LAMC3: variants seen among roughly 807,000 people sequenced by gnomAD.
The protein encoded by LAMC3 is laminin subunit gamma 3, also known as laminin subunit gamma-3.
A neutral mutation model predicts 173.8 loss-of-function variants in LAMC3; 128 were observed. The observed-to-expected ratio is 0.74, with a 90% CI of 0.64 to 0.85. The LOEUF (loss-of-function observed/expected upper bound fraction) is 0.85, where lower values mean the gene tolerates loss of function less well. Among genes scored for constraint, LAMC3 ranks in the 40% least tolerant of loss-of-function variants. The probability of loss-of-function intolerance (pLI) is 0.00; values close to 1 mark genes in which losing one functional copy is unlikely to be tolerated. For synonymous variants in LAMC3, 897 were observed against 909.1 expected (o/e 0.99, Z 0.24); for missense variants, 2,022 against 2,156.0 (o/e 0.94, Z 1.23).
At chr9:131,078,401 C>T (rs910972757) in intron 22 of LAMC3, among the ~76,000 whole-genome samples, 2 of 152,124 alleles carry the variant, frequency 1.3e-5, no homozygotes, top group East Asian at 1.9e-4. Context: ...CTGAGAATGG[C>T]ATGAACCTGG....
chr9:131,079,674 C>T (rs1830201881), intron 23 of LAMC3, among the ~76,000 whole-genome samples: 1 of 152,038 alleles, frequency 6.6e-6, no homozygotes, highest in Non-Finnish European at 1.5e-5. Context: ...AGTCTGGCAA[C>T]AGAGTGAGAC....
intron 24 of LAMC3, among the ~76,000 whole-genome samples, chr9:131,083,632 A>G (rs1276547363): frequency 6.6e-6 from 1 of 152,154 alleles, no homozygotes; most frequent in African/African-American, 2.4e-5. Flanking sequence ...AAGGCCTGTA[A>G]TAAAGAAACC....
In LAMC3 at chr9:131,009,466, C is replaced by T; in HGVS notation, c.252C>T (p.Arg84=). 1 of 1,548,852 alleles carries T rather than the reference C, an allele frequency of 6.5e-7. No individual in the cohort carries two copies. The highest frequency in any genetic ancestry group is 1.2e-5 in the South Asian group (1 of 84,032). The change falls in exon 1 of 28, where the codon CGC becomes CGT. Residue 84 remains arginine, a synonymous_variant. Coordinates refer to ENST00000361069, the MANE Select transcript of LAMC3 (RefSeq NM_006059.4). The surrounding 1 kb of genome is among the most constrained non-coding windows in gnomAD (Gnocchi z 4.3). The part of the protein sequence containing the change: ...CQRCDAADPQ[R]HHNASYLTDF... The stretch of plus-strand genomic sequence containing the variant: ...GCTGCGACGCCGCCGACCCCCAGCG[C>T]CACCACAACGCCTCCTACCTCACCG...
At chr9:131,066,492 CAATAATAAT>C (rs112841264) in intron 13 of LAMC3, among the ~76,000 whole-genome samples, 12 of 149,704 alleles carry the variant, frequency 8.0e-5, no homozygotes, top group African/African-American at 3.0e-4. Flanking sequence ...GACTCCATCT[CAATAATAAT>C]AATAATAATA....
rs1290278984 is a variant in LAMC3 at position 131,009,325 on chromosome 9, G to C, written c.111G>C (p.Pro37=). Residue 37 remains proline, a synonymous_variant, in exon 1 of 28, where the codon CCG becomes CCC. Transcript: ENST00000361069. This position sits in a 1 kb window ranked among gnomAD's most constrained non-coding sequence, Gnocchi z 4.3. ...DGAGRPQRCL[P]VFENAAFGRL... is the part of the protein sequence containing the mutation. ...CAGGGCGCCCGCAGCGCTGCCTGCCGGTGTTCGAGAACGCGGCGTTTGGGC... is the reference window on the plus strand; with the variant it reads ...CAGGGCGCCCGCAGCGCTGCCTGCCCGTGTTCGAGAACGCGGCGTTTGGGC... 1 of 1,479,848 alleles carries C rather than the reference G, an allele frequency of 6.8e-7. No homozygotes were observed. Among genetic ancestry groups the C allele is most frequent in the South Asian group, 1.3e-5 (1 of 77,962 alleles). 91.7% of individuals were successfully genotyped at this position (1,479,848 alleles called of 1,614,324 possible).
intron 8 of LAMC3, among the ~76,000 whole-genome samples, chr9:131,048,646 A>G (rs1364302803): frequency 6.6e-6 from 1 of 152,106 alleles, no homozygotes; most frequent in African/African-American, 2.4e-5. Flanking sequence ...CTTCCTAACC[A>G]GGTGGCCTCC....
At position 131,039,012 on chromosome 9, in the gene LAMC3, C is replaced by T. The variant is rs555008453; in HGVS notation, c.1125C>T (p.Asp375=). ...ERCQENFYHW[D]PRMPCQPCDC... ...GTCAGGAGAATTTCTATCACTGGGA[C>T]CCGCGGATGCCATGCCAGCCCTGTG... Residue 375 remains aspartate (D), a synonymous_variant, in exon 5 of 28, where the codon GAC becomes GAT. Transcript: ENST00000361069. 6.2e-7 allele frequency: 1 copy of T among 1,613,572 alleles called. No homozygotes were observed. Among genetic ancestry groups the T allele is most frequent in the Admixed American group, 1.7e-5 (1 of 60,022 alleles).
chr9:131,084,670 G>A (rs67777881), intron 24 of LAMC3, among the ~76,000 whole-genome samples: 72,856 of 151,842 alleles, frequency 0.48, 18,533 homozygotes, highest in African/African-American at 0.66. Context: ...GCCAAGGTGG[G>A]TGGATCACTT....
At position 131,085,675 on chromosome 9, in the gene LAMC3, C is replaced by T; in HGVS notation, c.4182C>T (p.Ala1394=). ...LGNAAPLSSS[A]KKKGREAEVL... The stretch of plus-strand genomic sequence containing the variant: ...ACGCGGCCCCTCTTTCCTCCAGTGC[C>T]AAGAAGAAGGGCAGAGAAGCAGAGG... The change falls in exon 25 of 28, where the codon GCC becomes GCT. Residue 1394 remains alanine (A), a synonymous_variant. Coordinates refer to ENST00000361069, the MANE Select transcript of LAMC3 (RefSeq NM_006059.4). 6.2e-7 allele frequency: 1 copy of T among 1,614,170 alleles called. No individual in the cohort carries two copies. The highest frequency in any genetic ancestry group is 8.5e-7 in the Non-Finnish European group (1 of 1,180,038).
intron 12 of LAMC3, among the ~76,000 whole-genome samples, chr9:131,058,520 G>T (rs1157360068): frequency 6.6e-6 from 1 of 152,088 alleles, no homozygotes; most frequent in Admixed American, 6.6e-5. Context: ...CACACTGACG[G>T]CTTCATGCCT....
intron 1 of LAMC3, among the ~76,000 whole-genome samples, chr9:131,010,152 CAAAAAAAAAAAAA>C (rs35239233): frequency 5.1e-5 from 2 of 39,580 alleles, no homozygotes; most frequent in Non-Finnish European, 1.2e-4. Flanking sequence ...AACTCCGTCT[CAAAAAAAAAAAAA>C]AAAAAAAAAA....
Position 131,091,923 on chromosome 9 carries a change from T to TAA in LAMC3, c.*136_*137insAA. 2.0e-6 allele frequency: 2 copies of TAA among 1,001,348 alleles called. No individual in the cohort carries two copies. Among genetic ancestry groups the TAA allele is most frequent in the Non-Finnish European group, 1.5e-6 (1 of 680,474 alleles). 62.0% of individuals were successfully genotyped at this position (1,001,348 alleles called of 1,614,324 possible). On this transcript the variant is annotated 3_prime_UTR_variant, in exon 28 of 28. Coordinates refer to ENST00000361069, the MANE Select transcript of LAMC3 (RefSeq NM_006059.4). ...TGTGAACTCGCCCCCGTGTGGATAGTCACTCCCTGCCGATTCTGTCTGTGG... is the reference window on the plus strand; with the variant it reads ...TGTGAACTCGCCCCCGTGTGGATAGTAACACTCCCTGCCGATTCTGTCTGTGG...
chr9:131,083,007 GT>G (rs1437527776), intron 24 of LAMC3, among the ~76,000 whole-genome samples: 1 of 152,234 alleles, frequency 6.6e-6, no homozygotes, highest in Non-Finnish European at 1.5e-5. Flanking sequence ...GTCACCCATC[GT>G]TTGGGGACTT....
intron 12 of LAMC3, among the ~76,000 whole-genome samples, chr9:131,060,694 C>T (rs1224417246): frequency 6.6e-6 from 1 of 151,932 alleles, no homozygotes; most frequent in Non-Finnish European, 1.5e-5. Flanking sequence ...AGTATGTGTG[C>T]CAGAGAGTGT....
chr9:131,047,699 C>A (rs1324992293), intron 8 of LAMC3, among the ~76,000 whole-genome samples: 5 of 150,898 alleles, frequency 3.3e-5, no homozygotes, highest in Admixed American at 1.3e-4. Flanking sequence ...CCCGTCTCTG[C>A]TAAAAATACA....
In LAMC3 at chr9:131,085,615, A is replaced by C; in HGVS notation, c.4122A>C (p.Arg1374Ser). 6.2e-7 allele frequency: 1 copy of C among 1,614,146 alleles called. No individual in the cohort carries two copies. The highest frequency in any genetic ancestry group is 8.5e-7 in the Non-Finnish European group (1 of 1,180,034). ...SVSDRLLADT[R>S]KKTKQAERML... is the part of the protein sequence containing the mutation. Reference sequence around the variant, plus strand: ...GTGACAGACTCCTTGCAGACACGAGAAAGAAGACCAAGCAGGCGGAGAGGA... The same window carrying C: ...GTGACAGACTCCTTGCAGACACGAGCAAGAAGACCAAGCAGGCGGAGAGGA... Residue 1374 changes from arginine (R) to serine (S), a missense_variant, in exon 25 of 28, where the codon AGA becomes AGC. Transcript: ENST00000361069.
rs1350196770 is a variant in LAMC3, at chr9:131,029,600, CCT to C, written c.679-2443_679-2442del. ...AGGCAAGTCTACCTTGCTCTTTTCT[CCT>C]CATGCTCCCTCTGGACACATTTAGG... is the stretch of plus-strand genomic sequence containing the variant. On this transcript the variant is annotated intron_variant, in intron 2 of 27. Coordinates refer to ENST00000361069, the MANE Select transcript of LAMC3 (RefSeq NM_006059.4). This position sits in a 1 kb window ranked among gnomAD's most constrained non-coding sequence, Gnocchi z 4.6. Among the ~76,000 whole-genome samples, 4 of 152,348 alleles carry C rather than the reference CCT, an allele frequency of 2.6e-5. No individual in the cohort carries two copies. Among genetic ancestry groups the C allele is most frequent in the African/African-American group, 9.6e-5 (4 of 41,584 alleles).
At chr9:131,042,712 C>T (rs915167980) in intron 7 of LAMC3, among the ~76,000 whole-genome samples, 1 of 151,584 alleles carries the variant, frequency 6.6e-6, no homozygotes, top group East Asian at 2.0e-4. Context: ...CCTTTCATAG[C>T]CATGGCAGGC....
intron 8 of LAMC3, among the ~76,000 whole-genome samples, chr9:131,047,920 T>A (rs1834202360): frequency 1.2e-5 from 1 of 81,324 alleles, no homozygotes; most frequent in Admixed American, 1.1e-4. Context: ...ATTTTTATTT[T>A]ATTTTTTTAG....
Sources: gnomAD v4.1 joint callset for allele counts (sites outside exome capture counted in the v4.1 genomes callset) on GRCh38, gnomAD v4.1.1 for gene constraint, Gnocchi (gnomAD v3.1) non-coding constraint, MANE v1.5 for transcripts, NCBI Gene and HGNC (gene_info 2026-07-23, HGNC 2026-07-21) for gene names.